NUP160: variants seen among roughly 807,000 people sequenced by gnomAD.
NUP160 encodes the protein nuclear pore complex protein Nup160.
NUP160 carries 94 observed loss-of-function variants against 196.9 expected under a neutral mutation model. The ratio of observed to expected loss-of-function variants is 0.48; its 90% CI spans 0.40 to 0.57. The LOEUF (loss-of-function observed/expected upper bound fraction) is 0.57, where lower values mean the gene tolerates loss of function less well. Ranked by LOEUF, NUP160 falls within the 20% of genes least tolerant of loss-of-function variation. The probability of loss-of-function intolerance (pLI) is 0.00; values close to 1 mark genes in which losing one functional copy is unlikely to be tolerated. For synonymous variants in NUP160, 605 were observed against 619.7 expected, an observed-to-expected ratio of 0.98 and a Z score of 0.35; for missense variants, 1,638 against 1,748.3, an observed-to-expected ratio of 0.94 and a Z score of 1.13.
chr11:47,817,942 G>A (rs755595500), intron 11 of NUP160, 114 bp downstream of exon 11: 13 of 574,566 alleles, frequency 2.3e-5, no homozygotes, highest in Non-Finnish European at 3.4e-5. Flanking sequence ...ACACACATAT[G>A]TATGAATACA....
intron 7 of NUP160, among the ~76,000 whole-genome samples, chr11:47,827,574 T>TGCCCGTGGTCCCGGC (rs1851996877): frequency 6.6e-6 from 1 of 151,902 alleles, no homozygotes; most frequent in African/African-American, 2.4e-5. Flanking sequence ...CTGGGCATGG[T>TGCCCGTGGTCCCGGC]GGCACATGCC....
At chr11:47,836,852 T>C (rs368977266) in intron 6 of NUP160, 35 bp downstream of exon 6, 63 of 1,271,380 alleles carry the variant, frequency 5.0e-5, no homozygotes, top group Admixed American at 1.8e-4. Flanking sequence ...CACAATCCTG[T>C]TTTAACTTAC....
chr11:47,841,598 G>A (rs1427177556), intron 2 of NUP160: 3 of 433,130 alleles, frequency 6.9e-6, no homozygotes, highest in Non-Finnish European at 1.4e-5. Flanking sequence ...AAGACAGCCA[G>A]TGTTACAAGG....
intron 22 of NUP160, 146 bp downstream of exon 22, chr11:47,803,292 C>A (rs757511598): frequency 1.7e-6 from 1 of 585,486 alleles, no homozygotes; most frequent in Non-Finnish European, 3.1e-6. Context: ...GTATATAATG[C>A]CTTTGACTGG....
At chr11:47,837,623 C>A in exon 5 of NUP160, 1 of 1,613,176 alleles carries the variant, frequency 6.2e-7, no homozygotes, top group Non-Finnish European at 8.5e-7. Flanking sequence ...TGACACCATA[C>A]CTGCAATGAT....
At chr11:47,783,254 G>A in intron 33 of NUP160, 56 bp from the exon 34 acceptor site, 13 of 1,563,118 alleles carry the variant, frequency 8.3e-6, no homozygotes, top group Non-Finnish European at 1.1e-5. Flanking sequence ...CTTGAGTACT[G>A]ACCAAAGAAT....
At chr11:47,780,272 A>T in intron 35 of NUP160, 71 bp downstream of exon 35, 1 of 1,068,716 alleles carries the variant, frequency 9.4e-7, no homozygotes, top group East Asian at 2.4e-5. Flanking sequence ...GGAGAACTGA[A>T]GATCAAGCTG....
chr11:47,810,255 T>C (rs910028699), intron 17 of NUP160, among the ~76,000 whole-genome samples: 3 of 152,028 alleles, frequency 2.0e-5, no homozygotes, highest in Non-Finnish European at 4.4e-5. Context: ...AGAAGTGCAA[T>C]GGCGCAATCA....
rs569583471 is a variant in NUP160, at chr11:47,835,432, T to C, written c.1101+219A>G. Among the ~76,000 whole-genome samples, 4 of 152,338 alleles carry C rather than the reference T, an allele frequency of 2.6e-5. No individual in the cohort carries two copies. The East Asian group carries it at 7.7e-4, about 29-fold the overall frequency. On this transcript the variant is annotated intron_variant, in intron 7 of 35. Transcript: ENST00000378460. ...TTTGCTCTTCTTGTTTAGTTTCTGT[T>C]AACTTTTCCTTTCATGTTACTTTAA...
chr11:47,810,826 G>A (rs2097680688), intron 17 of NUP160, among the ~76,000 whole-genome samples: 1 of 152,108 alleles, frequency 6.6e-6, no homozygotes, highest in Non-Finnish European at 1.5e-5. Context: ...GATTACAGGT[G>A]TGAGCCACTG....
At chr11:47,798,524 T>C in intron 23 of NUP160, 61 bp from the exon 24 acceptor site, 7 of 949,036 alleles carry the variant, frequency 7.4e-6, no homozygotes, top group South Asian at 1.4e-5. Context: ...TCAAACTCAA[T>C]TATGGTTTAA....
chr11:47,841,696 TTTG>T, intron 2 of NUP160: 5 of 296,916 alleles, frequency 1.7e-5, no homozygotes, highest in South Asian at 3.7e-5. Context: ...TGTTTGTTTG[TTTG>T]TTTTTTTTTT....
intron 9 of NUP160, among the ~76,000 whole-genome samples, chr11:47,820,784 T>C (rs1296172565): frequency 6.6e-6 from 1 of 152,118 alleles, no homozygotes; most frequent in Non-Finnish European, 1.5e-5. Context: ...ACTTCCAACC[T>C]TGTGATCTGC....
intron 33 of NUP160, among the ~76,000 whole-genome samples, chr11:47,784,063 C>A (rs925908188): frequency 4.0e-5 from 6 of 150,918 alleles, no homozygotes; most frequent in Admixed American, 6.6e-5. Context: ...CAAAAAAAAC[C>A]AAAAAAAACT....
intron 5 of NUP160, 39 bp from the exon 6 acceptor site, chr11:47,837,040 A>C (rs1192019315): frequency 8.9e-7 from 1 of 1,119,714 alleles, no homozygotes; most frequent in Non-Finnish European, 1.3e-6. Flanking sequence ...TTACTGCTGC[A>C]AAGAATCTGA....
intron 11 of NUP160, among the ~76,000 whole-genome samples, chr11:47,816,863 T>G (rs1413568357): frequency 3.3e-5 from 5 of 152,062 alleles, no homozygotes; most frequent in African/African-American, 1.2e-4. Flanking sequence ...CAGGCTGGTC[T>G]TGAACTCCTG....
chr11:47,848,370 C>T lies in NUP160; in HGVS notation c.51G>A (p.Ala17=). 5.0e-6 allele frequency: 8 copies of T among 1,609,684 alleles called. No individual in the cohort carries two copies. The highest frequency in any genetic ancestry group is 6.8e-6 in the Non-Finnish European group (8 of 1,178,306). Reference sequence around the variant, plus strand: ...CGGAACAAAGGCAGGGCCGCGCGGTCGCCGTCACTTCCGGGGGTGGGGCGG... The same window carrying T: ...CGGAACAAAGGCAGGGCCGCGCGGTTGCCGTCACTTCCGGGGGTGGGGCGG... Residue 17 remains alanine, a synonymous_variant, in exon 1 of 36, where the codon GCG becomes GCA. Transcript: ENST00000378460.
intron 7 of NUP160, among the ~76,000 whole-genome samples, chr11:47,832,483 GC>G (rs1174742369): frequency 1.3e-5 from 2 of 152,112 alleles, no homozygotes; most frequent in African/African-American, 4.8e-5. Context: ...CCTTACACTG[GC>G]CTTTTAAAAT....
chr11:47,844,422 A>ACCTCT (rs1262134789), intron 2 of NUP160, among the ~76,000 whole-genome samples: 1 of 152,012 alleles, frequency 6.6e-6, no homozygotes, highest in Non-Finnish European at 1.5e-5. Context: ...GCCCTCAACT[A>ACCTCT]TCTCTTTCTT....
Sources: gnomAD v4.1 joint callset for allele counts (sites outside exome capture counted in the v4.1 genomes callset) on GRCh38, gnomAD v4.1.1 for gene constraint, MANE v1.5 for transcripts, NCBI Gene and HGNC (gene_info 2026-07-23, HGNC 2026-07-21) for gene names.